GLUD1: variants seen among roughly 807,000 people sequenced by gnomAD.
GLUD1 encodes glutamate dehydrogenase 1.
A neutral mutation model predicts 56.0 loss-of-function variants in GLUD1; 22 were observed. The observed-to-expected ratio is 0.39, with a 90% confidence interval of 0.28 to 0.56. The LOEUF is 0.56. Among genes scored for constraint, GLUD1 ranks in the 20% least tolerant of loss-of-function variants. The probability of loss-of-function intolerance (pLI) is 0.58; values close to 1 mark genes in which losing one functional copy is unlikely to be tolerated. For synonymous variants in GLUD1, 223 were observed against 269.9 expected (o/e 0.83, Z 1.70); for missense variants, 451 against 732.0 (o/e 0.62, Z 4.43).
chr10:87,087,399 T>C (rs1841408620), intron 1 of GLUD1, among the ~76,000 whole-genome samples: 1 of 152,188 alleles, frequency 6.6e-6, no homozygotes. Context: ...TGATTGCTGA[T>C]TAAACTCAAT....
chr10:87,075,503 G>A (rs1394601076), intron 3 of GLUD1, among the ~76,000 whole-genome samples: 8 of 152,222 alleles, frequency 5.3e-5, no homozygotes, highest in Non-Finnish European at 1.2e-4. Context: ...AACACGCTAT[G>A]AGTTAATTCT....
At chr10:87,086,638 A>G (rs1426378055) in intron 1 of GLUD1, among the ~76,000 whole-genome samples, 2 of 151,340 alleles carry the variant, frequency 1.3e-5, no homozygotes, top group Non-Finnish European at 1.5e-5. Context: ...CCTGGCTAAC[A>G]TGGTGAAACC....
intron 1 of GLUD1, among the ~76,000 whole-genome samples, chr10:87,090,538 A>G (rs1841487018): frequency 6.6e-6 from 1 of 152,220 alleles, no homozygotes; most frequent in African/African-American, 2.4e-5. Context: ...TTCATTTTCT[A>G]GTATACTTTG....
chr10:87,057,897 C>G (rs574808827), intron 10 of GLUD1, 115 bp from the exon 11 acceptor site: 1 of 673,850 alleles, frequency 1.5e-6, no homozygotes, highest in East Asian at 2.8e-5. Flanking sequence ...CAGACAGAGT[C>G]GTGGTCTGTC....
At chr10:87,071,650 G>C (rs1384770071) in intron 4 of GLUD1, among the ~76,000 whole-genome samples, 3 of 152,202 alleles carry the variant, frequency 2.0e-5, no homozygotes, top group Non-Finnish European at 4.4e-5. Flanking sequence ...TCAGGGTCCT[G>C]CAGAACTTAG....
At chr10:87,088,620 G>T (rs1199948111) in intron 1 of GLUD1, among the ~76,000 whole-genome samples, 1 of 152,030 alleles carries the variant, frequency 6.6e-6, no homozygotes, top group East Asian at 1.9e-4. Context: ...TGATATATTT[G>T]TGATAATGAC....
chr10:87,061,159 T>A, intron 6 of GLUD1, 107 bp from the exon 7 acceptor site: 2 of 1,085,732 alleles, frequency 1.8e-6, no homozygotes, highest in Non-Finnish European at 2.9e-6. Flanking sequence ...TAGAAGCAAT[T>A]CTCAAAATTC....
intron 1 of GLUD1, among the ~76,000 whole-genome samples, chr10:87,092,037 T>C (rs1841521559): frequency 2.0e-5 from 3 of 152,182 alleles, no homozygotes; most frequent in African/African-American, 7.2e-5. Context: ...AGAGTGGGAC[T>C]ACAAAGGTTA....
At chr10:87,055,402 A>G (rs1337690208) in intron 11 of GLUD1, among the ~76,000 whole-genome samples, 1 of 152,162 alleles carries the variant, frequency 6.6e-6, no homozygotes, top group Non-Finnish European at 1.5e-5. Flanking sequence ...GGGGGAAACT[A>G]GAGGGAGAGA....
At position 87,057,208 on chromosome 10, in the gene GLUD1, C is replaced by T. The variant is rs73337642; in HGVS notation, c.1494+483G>A. Among the ~76,000 whole-genome samples, 466 of 152,080 alleles carry T rather than the reference C, an allele frequency of 3.1e-3. 3 individuals carry two copies. The highest frequency in any genetic ancestry group is 0.011 in the African/African-American group (446 of 41,504). On this transcript the variant is annotated intron_variant, in intron 11 of 12. Coordinates refer to ENST00000277865, the MANE Select transcript of GLUD1 (RefSeq NM_005271.5). ...GTCACCATGTTGGCCAGGATGGTGT[C>T]GATGACTTGACTTCGTGATCCACCC...
At chr10:87,066,634 T>C (rs1039220446) in intron 5 of GLUD1, among the ~76,000 whole-genome samples, 1 of 152,182 alleles carries the variant, frequency 6.6e-6, no homozygotes, top group East Asian at 1.9e-4. Context: ...GAAGGTTTTA[T>C]CTCCTAGGAG....
chr10:87,056,133 A>AC (rs1187811511), intron 11 of GLUD1, among the ~76,000 whole-genome samples: 35 of 149,406 alleles, frequency 2.3e-4, no homozygotes, highest in African/African-American at 8.4e-4. Context: ...AAAAAAAAAA[A>AC]AAAAAAACCA....
At chr10:87,055,834 G>A (rs762287140) in intron 11 of GLUD1, among the ~76,000 whole-genome samples, 7 of 152,012 alleles carry the variant, frequency 4.6e-5, no homozygotes, top group Admixed American at 1.3e-4. Flanking sequence ...ATATATTGAC[G>A]GCCGGGCGCG....
intron 1 of GLUD1, among the ~76,000 whole-genome samples, chr10:87,088,134 C>T (rs1209418769): frequency 6.7e-6 from 1 of 150,066 alleles, no homozygotes. Context: ...TCCTTGGTTT[C>T]CTTGAACTCC....
At position 87,087,782 on chromosome 10, in the gene GLUD1, C is replaced by T. The variant is rs937960875; in HGVS notation, c.445+6543G>A. On this transcript the variant is annotated intron_variant, in intron 1 of 12. Transcript: ENST00000277865. ...TCCTATCCAGCCTTCTCTGTTCCCA[C>T]ATCAAGACTGTCTGTCTGCCAGGCA... is the stretch of plus-strand genomic sequence containing the variant. Among the ~76,000 whole-genome samples, 25 of 152,280 alleles carry T rather than the reference C, an allele frequency of 1.6e-4. 1 individual carries two copies. The highest frequency in any genetic ancestry group is 4.6e-4 in the African/African-American group (19 of 41,554).
At chr10:87,085,156 C>G (rs1841351024) in intron 1 of GLUD1, among the ~76,000 whole-genome samples, 1 of 151,842 alleles carries the variant, frequency 6.6e-6, no homozygotes, top group South Asian at 2.1e-4. Context: ...CCAGCCTGGC[C>G]AACATGATGA....
intron 4 of GLUD1, among the ~76,000 whole-genome samples, chr10:87,074,071 T>G (rs1470923507): frequency 6.6e-6 from 1 of 151,880 alleles, no homozygotes; most frequent in Non-Finnish European, 1.5e-5. Context: ...TGACAAATAC[T>G]TACATATCAT....
At chr10:87,091,566 C>T in intron 1 of GLUD1, 2 of 930,406 alleles carry the variant, frequency 2.1e-6, no homozygotes, top group Middle Eastern at 5.5e-4. Flanking sequence ...GATCCTTTAG[C>T]TTACCCTTTC....
intron 9 of GLUD1, among the ~76,000 whole-genome samples, chr10:87,059,584 C>T (rs751383099): frequency 1.4e-4 from 21 of 152,204 alleles, no homozygotes; most frequent in African/African-American, 5.1e-4. Flanking sequence ...GGCTTGCCCA[C>T]CAACCAGTTG....
Sources: gnomAD v4.1 joint callset for allele counts (sites outside exome capture counted in the v4.1 genomes callset) on GRCh38, gnomAD v4.1.1 for gene constraint, MANE v1.5 for transcripts, NCBI Gene and HGNC (gene_info 2026-07-23, HGNC 2026-07-21) for gene names.